Variants in VEPH1 observed in about 807,000 individuals in gnomAD.
VEPH1 encodes ventricular zone-expressed PH domain-containing protein homolog 1.
In VEPH1, 80 loss-of-function variants were observed where a neutral mutation model predicts 85.2. The observed-to-expected ratio is 0.94, with a 90% confidence interval of 0.78 to 1.13. The LOEUF (loss-of-function observed/expected upper bound fraction) is 1.13. VEPH1 is among the 50% of genes most tolerant of loss of function. VEPH1 has a pLI of 0.00. For synonymous variants in VEPH1, 297 were observed against 348.0 expected (o/e 0.85, Z 1.63); for missense variants, 955 against 980.5 (o/e 0.97, Z 0.35).
intron 9 of VEPH1, among the ~76,000 whole-genome samples, chr3:157,322,946 GTA>G (rs1354864935): frequency 6.6e-6 from 1 of 152,140 alleles, no homozygotes; most frequent in Non-Finnish European, 1.5e-5. Context: ...GTAAAATAAA[GTA>G]TGTTTTTGAA....
At chr3:157,335,853 C>T (rs1331673302) in intron 9 of VEPH1, among the ~76,000 whole-genome samples, 2 of 152,176 alleles carry the variant, frequency 1.3e-5, no homozygotes, top group Non-Finnish European at 2.9e-5. Context: ...CAATCAAGCA[C>T]ACCATTTCCT....
At chr3:157,405,955 G>A (rs1290767081) in intron 6 of VEPH1, among the ~76,000 whole-genome samples, 1 of 152,174 alleles carries the variant, frequency 6.6e-6, no homozygotes, top group Non-Finnish European at 1.5e-5. Context: ...CTGAGGGAGA[G>A]AGGATATGCA....
chr3:157,284,989 A>C (rs1716589926), intron 12 of VEPH1: 1 of 152,190 alleles, frequency 6.6e-6, no homozygotes, highest in South Asian at 2.1e-4. Flanking sequence ...CCCTTTTCTG[A>C]GGCCTCCCTT....
rs368151331 is a variant in VEPH1 at position 157,440,831 on chromosome 3, C to T, written c.530-12343G>A. ...GGTGGAAACTTACTGAGCTTTCCAC[C>T]TCAAATTTGAAAGTCCCCCTCCCAA... On this transcript the variant is annotated intron_variant, in intron 4 of 13. Coordinates refer to ENST00000362010, the MANE Select transcript of VEPH1 (RefSeq NM_001167912.2). Among the ~76,000 whole-genome samples the T allele has an allele frequency of 3.5e-3, 528 of 152,204 alleles. 4 individuals are homozygous for T. Among genetic ancestry groups the T allele is most frequent in the African/African-American group, 0.012 (499 of 41,496 alleles).
At chr3:157,428,684 AT>A (rs1732928424) in intron 4 of VEPH1, among the ~76,000 whole-genome samples, 196 bp from the exon 5 acceptor site, 1 of 152,236 alleles carries the variant, frequency 6.6e-6, no homozygotes, top group African/African-American at 2.4e-5. Flanking sequence ...AAAAGGAAAT[AT>A]TTTATGATAT....
intron 7 of VEPH1, among the ~76,000 whole-genome samples, chr3:157,369,194 A>ACAAAAAAAAAAAAC (rs1181703330): frequency 9.0e-5 from 13 of 144,962 alleles, no homozygotes; most frequent in Admixed American, 2.8e-4. Flanking sequence ...AAAAAAAAAA[A>ACAAAAAAAAAAAAC]AAAAAAAAAA....
chr3:157,445,961 A>C (rs573845678), intron 4 of VEPH1, among the ~76,000 whole-genome samples: 5 of 152,334 alleles, frequency 3.3e-5, no homozygotes, highest in African/African-American at 1.2e-4. Flanking sequence ...GACTTTGAGA[A>C]TATATAGGTG....
intron 6 of VEPH1, among the ~76,000 whole-genome samples, chr3:157,394,945 T>C (rs1037836932): frequency 6.6e-6 from 1 of 152,106 alleles, no homozygotes; most frequent in Admixed American, 6.6e-5. Context: ...TACAGCCTTC[T>C]GGGGAACTTT....
At chr3:157,494,512 T>C (rs1273667213) in intron 2 of VEPH1, among the ~76,000 whole-genome samples, 3 of 152,208 alleles carry the variant, frequency 2.0e-5, no homozygotes, top group African/African-American at 7.2e-5. Flanking sequence ...TCAGAATATA[T>C]AATCTTGACA....
At chr3:157,484,980 T>C (rs1024635199) in intron 2 of VEPH1, among the ~76,000 whole-genome samples, 1 of 152,184 alleles carries the variant, frequency 6.6e-6, no homozygotes, top group Non-Finnish European at 1.5e-5. Context: ...TTACTTATTA[T>C]AGTGTAATAG....
At chr3:157,296,595 A>C (rs1718174755) in intron 11 of VEPH1, among the ~76,000 whole-genome samples, 1 of 152,256 alleles carries the variant, frequency 6.6e-6, no homozygotes, top group African/African-American at 2.4e-5. Flanking sequence ...ACAGGTCTAA[A>C]GTACTAAGTG....
intron 1 of VEPH1, among the ~76,000 whole-genome samples, chr3:157,497,355 A>T (rs139717816): frequency 6.6e-6 from 1 of 152,278 alleles, no homozygotes; most frequent in Non-Finnish European, 1.5e-5. Context: ...GGAAGAGCAA[A>T]GGAGAGTGGT....
Position 157,345,095 on chromosome 3 carries a change from A to C in VEPH1, c.1735+18269T>G, listed in dbSNP as rs549984144. Among the ~76,000 whole-genome samples the C allele has an allele frequency of 4.6e-5, 7 of 152,360 alleles. No individual in the cohort carries two copies. In the East Asian group the frequency reaches 1.3e-3, roughly 29 times the overall value. On this transcript the variant is annotated intron_variant, in intron 9 of 13. Coordinates refer to ENST00000362010, the MANE Select transcript of VEPH1 (RefSeq NM_001167912.2). ...AACCCTAGAAGAAAACCTAGGCAAT[A>C]CCATTCAGGACATAGGCAGGGGCAA...
intron 6 of VEPH1, chr3:157,413,461 C>G: frequency 1.0e-6 from 1 of 985,362 alleles, no homozygotes. Context: ...CTGATGGTCT[C>G]CTGGGTTAAG....
At chr3:157,358,279 A>C (rs1725665550) in intron 9 of VEPH1, among the ~76,000 whole-genome samples, 1 of 152,192 alleles carries the variant, frequency 6.6e-6, no homozygotes, top group Non-Finnish European at 1.5e-5. Context: ...AAAGTCCCAA[A>C]GCACCAAGAA....
At chr3:157,482,474 T>C (rs1445543399) in intron 2 of VEPH1, among the ~76,000 whole-genome samples, 1 of 152,142 alleles carries the variant, frequency 6.6e-6, no homozygotes, top group Non-Finnish European at 1.5e-5. Context: ...CCACCTGCCT[T>C]GGCCCCCCAA....
At chr3:157,500,601 T>G (rs1166669062) in intron 1 of VEPH1, among the ~76,000 whole-genome samples, 2 of 152,270 alleles carry the variant, frequency 1.3e-5, no homozygotes, top group Non-Finnish European at 2.9e-5. Flanking sequence ...ATTTTTTCAT[T>G]AGTAGTTTTT....
chr3:157,447,804 A>AGCCT (rs2109283636), intron 4 of VEPH1, among the ~76,000 whole-genome samples: 1 of 152,204 alleles, frequency 6.6e-6, no homozygotes, highest in South Asian at 2.1e-4. Flanking sequence ...CATGTTGGCC[A>AGCCT]GCCTGGTCTT....
chr3:157,309,831 G>A (rs571710698), intron 11 of VEPH1, among the ~76,000 whole-genome samples: 1 of 152,066 alleles, frequency 6.6e-6, no homozygotes, highest in Non-Finnish European at 1.5e-5. Context: ...CCAGGCTGGA[G>A]TGCAGTGGCG....
Sources: gnomAD v4.1 joint callset for allele counts (sites outside exome capture counted in the v4.1 genomes callset) on GRCh38, gnomAD v4.1.1 for gene constraint, MANE v1.5 for transcripts, NCBI Gene and HGNC (gene_info 2026-07-23, HGNC 2026-07-21) for gene names.